Variants in GALNT17 observed in about 807,000 individuals in gnomAD.
GALNT17 encodes polypeptide N-acetylgalactosaminyltransferase 17.
In GALNT17, 29 loss-of-function variants were observed where a neutral mutation model predicts 63.7. The observed-to-expected ratio is 0.46, with a 90% CI of 0.34 to 0.62. GALNT17 has a LOEUF of 0.62. Among genes scored for constraint, GALNT17 ranks in the 20% least tolerant of loss-of-function variants. The pLI, the probability that GALNT17 is intolerant of heterozygous loss-of-function variation, is 0.01. For synonymous variants in GALNT17, 305 were observed against 318.3 expected, an observed-to-expected ratio of 0.96 and a Z score of 0.45; for missense variants, 603 against 799.6, an observed-to-expected ratio of 0.75 and a Z score of 2.97.
chr7:71,484,963 T>A (rs959721341), intron 5 of GALNT17, among the ~76,000 whole-genome samples: 1 of 12,742 alleles, frequency 7.8e-5, no homozygotes, highest in Non-Finnish European at 2.2e-4. Context: ...CACACCTGGC[T>A]TTTTTTTTTT....
chr7:71,268,564 TAAATAA>T (rs1790532057), intron 1 of GALNT17, among the ~76,000 whole-genome samples: 2 of 147,280 alleles, frequency 1.4e-5, no homozygotes, highest in South Asian at 4.3e-4. Context: ...AATAAATAAA[TAAATAA>T]ATAAATAAAT....
chr7:71,417,730 A>G (rs1368272498), intron 4 of GALNT17, among the ~76,000 whole-genome samples: 1 of 152,208 alleles, frequency 6.6e-6, no homozygotes, highest in Non-Finnish European at 1.5e-5. Context: ...TTACAGCCTC[A>G]GGCCTGGCAT....
chr7:71,700,714 C>A (rs10085829), intron 9 of GALNT17, among the ~76,000 whole-genome samples: 20,768 of 152,216 alleles, frequency 0.14, 1,619 homozygotes, highest in African/African-American at 0.2. Context: ...TCCATCAGGG[C>A]TTGACTTCAA....
intron 1 of GALNT17, among the ~76,000 whole-genome samples, chr7:71,244,014 G>C (rs1274528969): frequency 2.0e-5 from 3 of 152,204 alleles, no homozygotes; most frequent in African/African-American, 7.2e-5. Flanking sequence ...ACTGGGGAAA[G>C]GGAGATGGAG....
At chr7:71,324,811 CAT>C (rs1405210956) in intron 1 of GALNT17, among the ~76,000 whole-genome samples, 2 of 152,088 alleles carry the variant, frequency 1.3e-5, no homozygotes, top group East Asian at 1.9e-4. Context: ...ATATAGCACA[CAT>C]ATTTAGCATA....
At chr7:71,366,634 T>C (rs1234290209) in intron 2 of GALNT17, among the ~76,000 whole-genome samples, 2 of 152,198 alleles carry the variant, frequency 1.3e-5, no homozygotes, top group East Asian at 3.9e-4. Flanking sequence ...GATCTCTCTC[T>C]TCTCAGCAAA....
chr7:71,514,551 A>G (rs1788415603), intron 5 of GALNT17, among the ~76,000 whole-genome samples: 1 of 151,868 alleles, frequency 6.6e-6, no homozygotes, highest in South Asian at 2.1e-4. Context: ...TCCAATACCC[A>G]TCTCATCATC....
chr7:71,484,962 CTTTTTT>C (rs779772231), intron 5 of GALNT17, among the ~76,000 whole-genome samples: 4 of 47,558 alleles, frequency 8.4e-5, no homozygotes, highest in Non-Finnish European at 1.1e-4. Flanking sequence ...CCACACCTGG[CTTTTTT>C]TTTTTTTTTT....
intron 1 of GALNT17, among the ~76,000 whole-genome samples, chr7:71,192,328 C>T (rs1194335994): frequency 3.3e-5 from 5 of 152,116 alleles, no homozygotes; most frequent in Non-Finnish European, 5.9e-5. Context: ...AGGGACAATA[C>T]TTTGCATCCT....
chr7:71,680,881 T>TC (rs529056100), intron 9 of GALNT17, among the ~76,000 whole-genome samples: 28,683 of 146,596 alleles, frequency 0.2, 3,444 homozygotes, highest in Non-Finnish European at 0.27. Context: ...CTTCCTTCCT[T>TC]TTCTTCCTTC....
At position 71,246,507 on chromosome 7, in the gene GALNT17, A is replaced by C. The variant is rs1790100369; in HGVS notation, c.239-89043A>C. Among the ~76,000 whole-genome samples the C allele has an allele frequency of 8.6e-5, 13 of 151,786 alleles. No individual in the cohort carries two copies. The South Asian group carries it at 2.7e-3, about 32-fold the overall frequency. On this transcript the variant is annotated intron_variant, in intron 1 of 10. Transcript: ENST00000333538. ...TGGTCATTTAAATTATGGTATATTTAATCAATAGACTGCTATACATTCATT... is the reference window on the plus strand; with the variant it reads ...TGGTCATTTAAATTATGGTATATTTCATCAATAGACTGCTATACATTCATT...
chr7:71,380,967 T>G (rs1467970413), intron 2 of GALNT17, among the ~76,000 whole-genome samples: 5 of 141,008 alleles, frequency 3.5e-5, no homozygotes, highest in Non-Finnish European at 7.8e-5. Context: ...GGGGTTTTTG[T>G]TTTTTTTTTT....
intron 5 of GALNT17, among the ~76,000 whole-genome samples, chr7:71,526,769 C>A (rs1023629974): frequency 3.3e-5 from 5 of 152,132 alleles, no homozygotes; most frequent in African/African-American, 1.2e-4. Context: ...CTGCCTTGGC[C>A]TCCTGAAGTG....
intron 5 of GALNT17, among the ~76,000 whole-genome samples, chr7:71,502,442 C>T (rs866727335): frequency 6.6e-6 from 1 of 152,180 alleles, no homozygotes; most frequent in Middle Eastern, 3.2e-3. Flanking sequence ...TAACATCTGT[C>T]AGATATGTCC....
At chr7:71,418,896 G>C (rs552133622) in intron 4 of GALNT17, among the ~76,000 whole-genome samples, 1 of 152,090 alleles carries the variant, frequency 6.6e-6, no homozygotes, top group Admixed American at 6.5e-5. Flanking sequence ...TCAGGAGTTC[G>C]AGACCAGCCT....
intron 1 of GALNT17, among the ~76,000 whole-genome samples, chr7:71,195,021 T>C (rs1181345930): frequency 6.6e-6 from 1 of 152,202 alleles, no homozygotes; most frequent in African/African-American, 2.4e-5. Context: ...CAGGGGTTGA[T>C]GGCATAAATG....
rs559708270 is a variant in GALNT17 at position 71,583,342 on chromosome 7, C to T, written c.1080+11940C>T. Among the ~76,000 whole-genome samples, 252 of 152,334 alleles carry T rather than the reference C, an allele frequency of 1.7e-3. 2 individuals are homozygous for T. The highest frequency in any genetic ancestry group is 5.8e-3 in the African/African-American group (243 of 41,586). On this transcript the variant is annotated intron_variant, in intron 6 of 10. Coordinates refer to ENST00000333538, the MANE Select transcript of GALNT17 (RefSeq NM_022479.3). Reference sequence around the variant, plus strand: ...ATCTCCTGACCTCATGATCCGCCCACCTCGGCCTCCCGAAGTGCTAGGATT... The same window carrying T: ...ATCTCCTGACCTCATGATCCGCCCATCTCGGCCTCCCGAAGTGCTAGGATT...
At chr7:71,200,310 G>C (rs1460098948) in intron 1 of GALNT17, among the ~76,000 whole-genome samples, 1 of 152,156 alleles carries the variant, frequency 6.6e-6, no homozygotes, top group Non-Finnish European at 1.5e-5. Context: ...TGGAGCATCT[G>C]CTCTGGGTCA....
intron 1 of GALNT17, among the ~76,000 whole-genome samples, chr7:71,247,135 G>T (rs1211597661): frequency 6.6e-6 from 1 of 152,160 alleles, no homozygotes; most frequent in Non-Finnish European, 1.5e-5. Context: ...CTAGTTCCTT[G>T]AAGTGTGAGC....
Sources: allele counts gnomAD v4.1 joint callset (sites outside exome capture counted in the v4.1 genomes callset), GRCh38; gene constraint gnomAD v4.1.1; transcripts MANE v1.5; gene names NCBI Gene and HGNC (gene_info 2026-07-23, HGNC 2026-07-21).